Variants in MYRIP observed in about 807,000 individuals in gnomAD.
MYRIP encodes rab effector MyRIP.
A neutral mutation model predicts 98.0 loss-of-function variants in MYRIP; 49 were observed. That is an observed-to-expected ratio of 0.50 (90% CI 0.40 to 0.63). The LOEUF (loss-of-function observed/expected upper bound fraction) is 0.63, where lower values mean the gene tolerates loss of function less well. MYRIP is among the 30% of genes least tolerant of loss of function. The pLI, the probability that MYRIP is intolerant of heterozygous loss-of-function variation, is 0.00. For synonymous variants in MYRIP, 404 were observed against 409.5 expected (o/e 0.99, Z 0.16); for missense variants, 1,004 against 1,058.2 (o/e 0.95, Z 0.71).
intron 3 of MYRIP, among the ~76,000 whole-genome samples, chr3:40,122,865 G>C (rs1205907110): frequency 6.6e-6 from 1 of 151,892 alleles, no homozygotes; most frequent in African/African-American, 2.4e-5. Flanking sequence ...CAATAAAGTA[G>C]ATATATTTTT....
chr3:39,919,925 A>T (rs1210802189), intron 2 of MYRIP, among the ~76,000 whole-genome samples: 1 of 152,104 alleles, frequency 6.6e-6, no homozygotes, highest in Non-Finnish European at 1.5e-5. Context: ...TTTGTTTTGT[A>T]GCTAGAGTAT....
intron 2 of MYRIP, among the ~76,000 whole-genome samples, chr3:39,909,803 T>C (rs942247981): frequency 6.6e-6 from 1 of 152,208 alleles, no homozygotes; most frequent in Admixed American, 6.5e-5. Flanking sequence ...ACTTCACTGT[T>C]ACTAATAGCA....
intron 1 of MYRIP, among the ~76,000 whole-genome samples, chr3:39,851,531 G>A (rs1320982845): frequency 1.3e-5 from 2 of 152,158 alleles, no homozygotes; most frequent in Admixed American, 6.5e-5. Context: ...AGGAACTTCT[G>A]TCACCAAGTA....
intron 4 of MYRIP, among the ~76,000 whole-genome samples, chr3:40,159,054 T>G (rs1296212648): frequency 3.3e-5 from 5 of 152,158 alleles, no homozygotes; most frequent in Non-Finnish European, 7.3e-5. Flanking sequence ...TAGCTGGTTA[T>G]TTTGCTCGTT....
chr3:40,032,639 G>A (rs1225034577), intron 2 of MYRIP, among the ~76,000 whole-genome samples: 1 of 152,062 alleles, frequency 6.6e-6, no homozygotes, highest in East Asian at 1.9e-4. Context: ...TTCTACCAGA[G>A]GTACAAGGAG....
intron 3 of MYRIP, among the ~76,000 whole-genome samples, chr3:40,140,193 T>C (rs979986594): frequency 2.0e-5 from 3 of 152,226 alleles, no homozygotes; most frequent in African/African-American, 7.2e-5. Context: ...GGAATTACTG[T>C]ACTGTATAGT....
chr3:39,859,168 T>G (rs998845638), intron 1 of MYRIP, among the ~76,000 whole-genome samples: 2 of 149,654 alleles, frequency 1.3e-5, no homozygotes, highest in African/African-American at 4.9e-5. Flanking sequence ...GGAGAGGACT[T>G]GAGTAAATAA....
At chr3:40,234,545 G>A (rs1306869023) in intron 12 of MYRIP, among the ~76,000 whole-genome samples, 2 of 152,156 alleles carry the variant, frequency 1.3e-5, no homozygotes, top group African/African-American at 2.4e-5. Context: ...GCACACTGAG[G>A]CTTAGTGGGC....
At position 39,995,793 on chromosome 3, in the gene MYRIP, C is replaced by T. The variant is rs565291539; in HGVS notation, c.111-48257C>T. On this transcript the variant is annotated intron_variant, in intron 2 of 16. Coordinates refer to ENST00000302541, the MANE Select transcript of MYRIP (RefSeq NM_015460.4). ...GTTAAGGGCAGCCAGAGAGAAAGGT[C>T]GGGTTACCCACAAAGGGAAGCCCAT... Among the ~76,000 whole-genome samples the T allele has an allele frequency of 8.7e-4, 132 of 152,262 alleles. 1 individual carries two copies. Among genetic ancestry groups the T allele is most frequent in the Admixed American group, 7.3e-3 (111 of 15,292 alleles).
At chr3:40,172,617 T>C (rs1950642285) in intron 8 of MYRIP, among the ~76,000 whole-genome samples, 1 of 152,126 alleles carries the variant, frequency 6.6e-6, no homozygotes, top group East Asian at 1.9e-4. Context: ...CCCCTGTGAG[T>C]TATGAGCTGT....
intron 2 of MYRIP, among the ~76,000 whole-genome samples, chr3:40,035,492 G>A (rs1947360062): frequency 2.0e-5 from 3 of 151,940 alleles, no homozygotes; most frequent in Non-Finnish European, 2.9e-5. Context: ...GAAAGCAAAG[G>A]ACCTACCTGG....
rs1306754509 is a variant in MYRIP at position 40,167,296 on chromosome 3, G to C, written c.729+57G>C. Reference sequence around the variant, plus strand: ...GTTTCCTGGCTGGGCCTGGTGCAGGGACTCTGGCAAGTAGCAGGTGAAACA... The same window carrying C: ...GTTTCCTGGCTGGGCCTGGTGCAGGCACTCTGGCAAGTAGCAGGTGAAACA... On this transcript the variant is annotated intron_variant, in intron 7 of 16. Transcript: ENST00000302541. The C allele has an allele frequency of 4.7e-6, 7 of 1,498,272 alleles. No individual in the cohort carries two copies. In the East Asian group the frequency reaches 1.6e-4, roughly 34 times the overall value. The allele number at this position is 1,498,272 out of a possible 1,614,324, so 92.8% of individuals were successfully genotyped here.
rs1291237706 is a variant in MYRIP at position 39,827,283 on chromosome 3, A to C, written c.-31+17367A>C. Among the ~76,000 whole-genome samples, 4 of 151,968 alleles carry C rather than the reference A, an allele frequency of 2.6e-5. No homozygotes were observed. In the South Asian group the frequency reaches 8.3e-4, roughly 31 times the overall value. ...ATGTGCCACCATGCCCAGCTTTTTA[A>C]AAATTTCTTTGTAGAGATGGGGCCT... On this transcript the variant is annotated intron_variant, in intron 1 of 16. Transcript: ENST00000302541.
intron 11 of MYRIP, among the ~76,000 whole-genome samples, chr3:40,227,352 T>G (rs541957941): frequency 5.4e-4 from 82 of 152,060 alleles, no homozygotes; most frequent in Admixed American, 1.2e-3. Flanking sequence ...AACAACAGAA[T>G]GAAAAACCGG....
chr3:40,139,082 C>G (rs529760021), intron 3 of MYRIP, among the ~76,000 whole-genome samples: 1 of 152,312 alleles, frequency 6.6e-6, no homozygotes, highest in East Asian at 1.9e-4. Flanking sequence ...GTTTAACTTT[C>G]TCTTCCTAGC....
chr3:39,940,560 T>A (rs928878211), intron 2 of MYRIP, among the ~76,000 whole-genome samples: 1 of 152,138 alleles, frequency 6.6e-6, no homozygotes, highest in African/African-American at 2.4e-5. Context: ...TTATTTTCTG[T>A]AAAATTTATG....
chr3:39,933,695 G>C (rs1436470245), intron 2 of MYRIP, among the ~76,000 whole-genome samples: 1 of 152,074 alleles, frequency 6.6e-6, no homozygotes, highest in East Asian at 1.9e-4. Flanking sequence ...ATCAAACTTT[G>C]CAAAATATTA....
At chr3:40,009,404 T>G (rs750473315) in intron 2 of MYRIP, among the ~76,000 whole-genome samples, 5 of 151,984 alleles carry the variant, frequency 3.3e-5, no homozygotes, top group Non-Finnish European at 7.4e-5. Context: ...ACCTGGCTAA[T>G]TTTTTGTATT....
intron 9 of MYRIP, 44 bp from the exon 10 acceptor site, chr3:40,189,782 T>C: frequency 6.5e-7 from 1 of 1,535,728 alleles, no homozygotes; most frequent in South Asian, 1.2e-5. Flanking sequence ...TGCATTAAAG[T>C]GATAACAGCC....
Sources: gnomAD v4.1 joint callset for allele counts (sites outside exome capture counted in the v4.1 genomes callset) on GRCh38, gnomAD v4.1.1 for gene constraint, MANE v1.5 for transcripts, NCBI Gene and HGNC (gene_info 2026-07-23, HGNC 2026-07-21) for gene names.